The following SCN3A variants were observed in gnomAD, a reference collection of about 807,000 sequenced individuals.
SCN3A encodes the protein sodium voltage-gated channel alpha subunit 3.
Under a neutral mutation model 187.6 loss-of-function variants are expected in SCN3A, and 60 were observed. The observed-to-expected ratio is 0.32, with a 90% CI of 0.26 to 0.40. SCN3A has a LOEUF of 0.40. SCN3A is among the 10% of genes least tolerant of loss of function. The pLI is 1.00. For missense variants in SCN3A, 1,601 were observed against 2,428.2 expected (o/e 0.66, Z 7.16); for synonymous variants, 788 against 829.2 (o/e 0.95, Z 0.85).
chr2:165,124,415 T>C (rs1251813471), intron 18 of SCN3A, among the ~76,000 whole-genome samples: 1 of 152,168 alleles, frequency 6.6e-6, no homozygotes, highest in Non-Finnish European at 1.5e-5. Flanking sequence ...CGTATTAATC[T>C]AGAAAAAGTT....
intron 12 of SCN3A, among the ~76,000 whole-genome samples, chr2:165,146,429 T>C (rs1688335105): frequency 7.2e-6 from 1 of 138,686 alleles, no homozygotes; most frequent in African/African-American, 2.7e-5. Flanking sequence ...TATAGACACA[T>C]ATATACACAC....
At chr2:165,161,534 A>T (rs1689397283) in intron 9 of SCN3A, among the ~76,000 whole-genome samples, 1 of 152,190 alleles carries the variant, frequency 6.6e-6, no homozygotes, top group African/African-American at 2.4e-5. Context: ...ACTCTCTTAG[A>T]TTTTTATGGC....
rs896322524 is a variant in SCN3A, at chr2:165,089,349, A to G, written c.*801T>C. ...ACTATTCTAAAGCAATACTTTAGAT[A>G]TATTTTTCTAGAATGGATTTATTAG... On this transcript the variant is annotated 3_prime_UTR_variant, in exon 28 of 28. Transcript: ENST00000283254. 1.4e-4 allele frequency: 22 copies of G among 152,644 alleles called. No homozygotes were observed. The highest frequency in any genetic ancestry group is 3.9e-4 in the African/African-American group (16 of 41,468). The allele number at this position is 152,644 out of a possible 1,614,324, so 9.5% of individuals were successfully genotyped here.
intron 9 of SCN3A, among the ~76,000 whole-genome samples, 192 bp downstream of exon 9, chr2:165,162,116 T>C (rs546073967): frequency 1.3e-5 from 2 of 152,312 alleles, no homozygotes; most frequent in African/African-American, 4.8e-5. Context: ...CACAAAGGGA[T>C]AATTTTTAAT....
chr2:165,182,684 G>T (rs568528727), intron 2 of SCN3A, among the ~76,000 whole-genome samples: 2 of 152,242 alleles, frequency 1.3e-5, no homozygotes, highest in East Asian at 3.9e-4. Flanking sequence ...AGAAATGGAG[G>T]TTTGTAAGGC....
rs577672239 is a variant in SCN3A at position 165,153,598 on chromosome 2, G to A, written c.1380+854C>T. On this transcript the variant is annotated intron_variant, in intron 11 of 27. Coordinates refer to ENST00000283254, the MANE Select transcript of SCN3A (RefSeq NM_006922.4). ...TTTGAACAACCACTTCATAAAAGAA[G>A]CTATACAGATGGAAAATAAGAACAG... Among the ~76,000 whole-genome samples, 13 of 152,004 alleles carry A rather than the reference G, an allele frequency of 8.6e-5. 1 individual carries two copies. In the South Asian group the frequency reaches 2.7e-3, roughly 31 times the overall value.
intron 26 of SCN3A, 174 bp downstream of exon 26, chr2:165,094,196 TGGAA>T (rs1252016944): frequency 6.1e-6 from 4 of 652,996 alleles, no homozygotes; most frequent in African/African-American, 1.8e-5. Flanking sequence ...CTCCTTTTTT[TGGAA>T]TGTGGTAACT....
chr2:165,170,592 C>T, intron 3 of SCN3A, 44 bp from the exon 4 acceptor site: 1 of 1,190,456 alleles, frequency 8.4e-7, no homozygotes. Context: ...TAGACATGGG[C>T]TTATTTAAAG....
chr2:165,147,275 CT>C (rs200467207), intron 11 of SCN3A, among the ~76,000 whole-genome samples: 69 of 88,852 alleles, frequency 7.8e-4, no homozygotes, highest in African/African-American at 2.0e-3. Context: ...TCTGGATTGT[CT>C]TTTTTTTGGG....
In SCN3A at chr2:165,112,891, G is replaced by T; in HGVS notation, c.3837C>A (p.Ile1279=). ...AATCACTTAAAATACTTACATCAAC[G>T]ATCAAGAAATCTAGCCAGCACCAGG... ...TNAWCWLDFL[I]VDVSLVSLVA... is the part of the protein sequence containing the mutation. The change falls in exon 21 of 28, where the codon ATC becomes ATA. Residue 1279 remains isoleucine, a synonymous_variant. Coordinates refer to ENST00000283254, the MANE Select transcript of SCN3A (RefSeq NM_006922.4). The T allele has an allele frequency of 6.2e-7, 1 of 1,612,676 alleles. No individual in the cohort carries two copies. Among genetic ancestry groups the T allele is most frequent in the East Asian group, 2.2e-5 (1 of 44,790 alleles).
chr2:165,187,598 G>A (rs1289917540), intron 1 of SCN3A, among the ~76,000 whole-genome samples: 1 of 152,058 alleles, frequency 6.6e-6, no homozygotes, highest in Non-Finnish European at 1.5e-5. Flanking sequence ...TACAATCTTT[G>A]TCTCCAGATG....
chr2:165,164,823 G>C (rs1689638012), intron 5 of SCN3A, among the ~76,000 whole-genome samples: 1 of 152,080 alleles, frequency 6.6e-6, no homozygotes. Context: ...AGCAGTATCT[G>C]ATAGAAATGT....
At chr2:165,126,753 G>A (rs1177015569) in intron 18 of SCN3A, among the ~76,000 whole-genome samples, 1 of 151,186 alleles carries the variant, frequency 6.6e-6, no homozygotes, top group Non-Finnish European at 1.5e-5. Context: ...TAGCCCTCAA[G>A]TGAAGCTTTT....
intron 23 of SCN3A, 110 bp downstream of exon 23, chr2:165,097,142 C>A: frequency 8.0e-7 from 1 of 1,251,376 alleles, no homozygotes; most frequent in South Asian, 1.4e-5. Context: ...TTATCATTAA[C>A]TTTTTTTCAT....
intron 12 of SCN3A, among the ~76,000 whole-genome samples, chr2:165,143,416 T>C (rs1688132849): frequency 6.6e-6 from 1 of 152,186 alleles, no homozygotes; most frequent in Non-Finnish European, 1.5e-5. Flanking sequence ...TTGGATATTT[T>C]TATGTCAGGT....
chr2:165,112,015 G>C (rs1298206523), intron 21 of SCN3A, among the ~76,000 whole-genome samples: 1 of 152,180 alleles, frequency 6.6e-6, no homozygotes, highest in Non-Finnish European at 1.5e-5. Context: ...GCACACATAT[G>C]GCAATCATTG....
In SCN3A at chr2:165,139,818, G is replaced by A. The variant is rs1574197008; in HGVS notation, c.2020-210C>T. 33 of 559,290 alleles carry A rather than the reference G, an allele frequency of 5.9e-5. No individual in the cohort carries two copies. The East Asian group carries it at 9.8e-4, about 17-fold the overall frequency. 34.6% of individuals were successfully genotyped at this position (559,290 alleles called of 1,614,324 possible). ...TACTCTTTAAGAGGAATTCACCAGT[G>A]GGATGCAGTTTTATAACACAATTAT... is the stretch of plus-strand genomic sequence containing the variant. On this transcript the variant is annotated intron_variant, in intron 13 of 27. Coordinates refer to ENST00000283254, the MANE Select transcript of SCN3A (RefSeq NM_006922.4).
Position 165,162,749 on chromosome 2 carries a change from C to G in SCN3A, c.774G>C (p.Leu258=), listed in dbSNP as rs762025399. 6.2e-7 allele frequency: 1 copy of G among 1,614,130 alleles called. No homozygotes were observed. The highest frequency in any genetic ancestry group is 8.5e-7 in the Non-Finnish European group (1 of 1,180,004). The change falls in exon 8 of 28, where the codon CTG becomes CTC. Residue 258 remains leucine, a synonymous_variant. Coordinates refer to ENST00000283254, the MANE Select transcript of SCN3A (RefSeq NM_006922.4). ...GCAGCCCAATGAGAGCAAACACGCTCAGACAGAACACAGTCAGGATCATCA... is the reference window on the plus strand; with the variant it reads ...GCAGCCCAATGAGAGCAAACACGCTGAGACAGAACACAGTCAGGATCATCA... The part of the protein sequence containing the change: ...SDVMILTVFC[L]SVFALIGLQL...
At chr2:165,192,156 G>T (rs1242370280) in intron 1 of SCN3A, among the ~76,000 whole-genome samples, 1 of 151,828 alleles carries the variant, frequency 6.6e-6, no homozygotes, top group Admixed American at 6.6e-5. Context: ...AACTTTATAG[G>T]CACTATATTT....
Sources: gnomAD v4.1 joint callset for allele counts (sites outside exome capture counted in the v4.1 genomes callset) on GRCh38, gnomAD v4.1.1 for gene constraint, MANE v1.5 for transcripts, NCBI Gene and HGNC (gene_info 2026-07-23, HGNC 2026-07-21) for gene names.